Variants in IPO8 observed in about 807,000 individuals in gnomAD.
IPO8 encodes importin-8.
Under a neutral mutation model 141.2 loss-of-function variants are expected in IPO8, and 65 were observed. The ratio of observed to expected loss-of-function variants is 0.46; its 90% CI spans 0.38 to 0.57. The LOEUF is 0.57. Ranked by LOEUF, IPO8 falls within the 20% of genes least tolerant of loss-of-function variation. IPO8 has a pLI of 0.00. For missense variants in IPO8, 980 were observed against 1,246.8 expected, an observed-to-expected ratio of 0.79 and a Z score of 3.22; for synonymous variants, 411 against 420.3, an observed-to-expected ratio of 0.98 and a Z score of 0.27.
intron 8 of IPO8, among the ~76,000 whole-genome samples, chr12:30,671,490 G>A (rs1353865146): frequency 2.0e-5 from 3 of 152,018 alleles, no homozygotes; most frequent in South Asian, 2.1e-4. Context: ...TGGCTAACAC[G>A]GTGAAACCCC....
intron 1 of IPO8, among the ~76,000 whole-genome samples, chr12:30,691,861 T>C (rs1415430064): frequency 6.6e-6 from 1 of 152,224 alleles, no homozygotes; most frequent in Non-Finnish European, 1.5e-5. Flanking sequence ...GCTTTCCCAA[T>C]CTTTCTATAT....
intron 16 of IPO8, among the ~76,000 whole-genome samples, chr12:30,658,845 A>AAAT (rs199555041): frequency 0.018 from 2,700 of 151,710 alleles, 47 homozygotes; most frequent in South Asian, 0.029. Flanking sequence ...CCCTTTAGGC[A>AAAT]AATGAAGACT....
rs2052901605 is a variant in IPO8, at chr12:30,662,457, G to A, written c.1625C>T (p.Pro542Leu). ...AKEYMKPHVR[P>L]IMQELLHIVR... is the part of the protein sequence containing the mutation. ...AATGTGCAACAGTTCCTGCATAATA[G>A]GCCTCACATGTGGCTTCATATATTC... The change falls in exon 15 of 25, where the codon CCT (proline) becomes CTT (leucine). Residue 542 changes from proline to leucine, a missense_variant. This residue lies in a region of IPO8 where 924 missense variants were observed against 1,153.9 expected (regional missense o/e 0.80). Coordinates refer to ENST00000256079, the MANE Select transcript of IPO8 (RefSeq NM_006390.4). The A allele has an allele frequency of 6.2e-7, 1 of 1,612,286 alleles. No homozygotes were observed. The highest frequency in any genetic ancestry group is 8.5e-7 in the Non-Finnish European group (1 of 1,178,948).
chr12:30,661,587 G>A (rs10771754), intron 15 of IPO8, among the ~76,000 whole-genome samples: 96,035 of 148,196 alleles, frequency 0.65, 32,460 homozygotes, highest in African/African-American at 0.84. Flanking sequence ...TTGAGAAGTC[G>A]AGGAATCACT....
intron 2 of IPO8, among the ~76,000 whole-genome samples, chr12:30,685,143 C>CTTTTT (rs763211235): frequency 7.0e-6 from 1 of 142,072 alleles, no homozygotes. Context: ...CTTTTCTTTT[C>CTTTTT]TTTTTTTTTT....
chr12:30,671,543 G>A (rs1252884565), intron 8 of IPO8, among the ~76,000 whole-genome samples: 1 of 151,686 alleles, frequency 6.6e-6, no homozygotes, highest in Non-Finnish European at 1.5e-5. Context: ...GCGTGGTGGC[G>A]GGTGCCTGTA....
intron 2 of IPO8, among the ~76,000 whole-genome samples, chr12:30,687,304 T>C (rs1390844042): frequency 6.6e-6 from 1 of 152,230 alleles, no homozygotes; most frequent in Non-Finnish European, 1.5e-5. Flanking sequence ...GATTCTATGA[T>C]AAAAATGGCT....
chr12:30,680,611 A>G lies in IPO8; in HGVS notation c.510T>C (p.Pro170=). Reference sequence around the variant, plus strand: ...GGAATATCTGCATTGCTATTATAAGAGGTTCTCTCTCTTCTGCTTTCTTAT... The same window carrying G: ...GGAATATCTGCATTGCTATTATAAGGGGTTCTCTCTCTTCTGCTTTCTTAT... ...YEYKKAEERE[P]LIIAMQIFLP... is the part of the protein sequence containing the mutation. Residue 170 remains proline, a synonymous_variant, in exon 5 of 25, where the codon CCT becomes CCC. Transcript: ENST00000256079. 1 of 1,611,694 alleles carries G rather than the reference A, an allele frequency of 6.2e-7. No homozygotes were observed. Among genetic ancestry groups the G allele is most frequent in the Non-Finnish European group, 8.5e-7 (1 of 1,179,114 alleles).
At chr12:30,654,775 G>A (rs1358865080) in intron 17 of IPO8, among the ~76,000 whole-genome samples, 1 of 152,072 alleles carries the variant, frequency 6.6e-6, no homozygotes, top group Non-Finnish European at 1.5e-5. Flanking sequence ...AACAGCCACT[G>A]TGGAAAGCAG....
chr12:30,656,717 T>C lies in IPO8; in HGVS notation c.1915A>G (p.Ile639Val). The C allele has an allele frequency of 1.9e-6, 3 of 1,553,974 alleles. No individual in the cohort carries two copies. The highest frequency in any genetic ancestry group is 2.6e-6 in the Non-Finnish European group (3 of 1,141,288). The change falls in exon 17 of 25, where the codon ATC becomes GTC. Residue 639 changes from isoleucine (I) to valine (V), a missense_variant. Transcript: ENST00000256079. ...TGTTTCTGCAGAACAAGATCAATGA[T>C]CCGTAGACAGATATTCTCTAACTGC... ...TQQLENICLR[I>V]IDLVLQKHVI...
intron 8 of IPO8, among the ~76,000 whole-genome samples, chr12:30,672,420 T>C (rs1283568014): frequency 6.6e-6 from 1 of 151,408 alleles, no homozygotes; most frequent in Non-Finnish European, 1.5e-5. Context: ...AAAGTAGGGG[T>C]GATGGGAGAT....
chr12:30,653,308 C>A lies in IPO8; in HGVS notation c.1949-216G>T, dbSNP rs377596122. On this transcript the variant is annotated intron_variant, in intron 17 of 24. Transcript: ENST00000256079. ...TGCCCCTCTGTTCAATAAGGCAAGG[C>A]AAAAATTTGTTTTCACTAAACTTTC... Among the ~76,000 whole-genome samples, 23 of 151,882 alleles carry A rather than the reference C, an allele frequency of 1.5e-4. No individual in the cohort carries two copies. The East Asian group carries it at 4.4e-3, about 29-fold the overall frequency.
rs1356429950 is a variant in IPO8, at chr12:30,629,648, T to C, written c.*1212A>G. The C allele has an allele frequency of 1.3e-5, 2 of 152,208 alleles. No individual in the cohort carries two copies. The highest frequency in any genetic ancestry group is 3.8e-4 in the East Asian group (2 of 5,202). The allele number at this position is 152,208 out of a possible 1,614,324, so 9.4% of individuals were successfully genotyped here. A position where few individuals can be genotyped will look rare whatever the true frequency, so the allele number is the denominator to read the frequency against. On this transcript the variant is annotated 3_prime_UTR_variant, in exon 25 of 25. Coordinates refer to ENST00000256079, the MANE Select transcript of IPO8 (RefSeq NM_006390.4). ...TGCTGAATAAAAACCCTATGACCCA[T>C]GTTCTGGTCTTGAACTAGGTCAGAA...
chr12:30,658,815 A>C (rs957727025), intron 16 of IPO8, among the ~76,000 whole-genome samples: 1 of 152,072 alleles, frequency 6.6e-6, no homozygotes, highest in Non-Finnish European at 1.5e-5. Context: ...AAAATAATGA[A>C]AATGAAAATA....
At chr12:30,691,024 T>G (rs921532199) in intron 1 of IPO8, among the ~76,000 whole-genome samples, 2 of 152,242 alleles carry the variant, frequency 1.3e-5, no homozygotes, top group Non-Finnish European at 2.9e-5. Flanking sequence ...TTTATCCTTT[T>G]GTAAATGGAG....
intron 17 of IPO8, 95 bp downstream of exon 17, chr12:30,656,589 T>A (rs2052803813): frequency 6.4e-6 from 4 of 624,162 alleles, no homozygotes; most frequent in Non-Finnish European, 1.1e-5. Context: ...CTCAAAATTG[T>A]CCATCTTGTT....
At position 30,665,911 on chromosome 12, in the gene IPO8, T is replaced by C. The variant is rs529222718; in HGVS notation, c.1222-66A>G. 2.9e-6 allele frequency: 3 copies of C among 1,026,592 alleles called. No individual in the cohort carries two copies. The Admixed American group carries it at 6.8e-5, about 23-fold the overall frequency. The allele number at this position is 1,026,592 out of a possible 1,614,324, so 63.6% of individuals were successfully genotyped here. A position where few individuals can be genotyped will look rare whatever the true frequency, so the allele number is the denominator to read the frequency against. On this transcript the variant is annotated intron_variant, in intron 11 of 24. Transcript: ENST00000256079. Reference sequence around the variant, plus strand: ...CATTGTCTTACTATAGTATTAACTATGATGCACAAATTTTTAAAAATAAAG... The same window carrying C: ...CATTGTCTTACTATAGTATTAACTACGATGCACAAATTTTTAAAAATAAAG...
At chr12:30,641,297 G>A (rs978781074) in intron 20 of IPO8, among the ~76,000 whole-genome samples, 2 of 152,100 alleles carry the variant, frequency 1.3e-5, no homozygotes, top group African/African-American at 4.8e-5. Context: ...GGCAAGGAGA[G>A]AATATCTATT....
At chr12:30,636,311 G>A (rs2052499556) in intron 22 of IPO8, among the ~76,000 whole-genome samples, 2 of 151,960 alleles carry the variant, frequency 1.3e-5, no homozygotes, top group African/African-American at 4.8e-5. Flanking sequence ...TTTTTAACCA[G>A]GAGAGGAAAA....
Sources: allele counts gnomAD v4.1 joint callset (sites outside exome capture counted in the v4.1 genomes callset), GRCh38; gene constraint gnomAD v4.1.1; regional missense constraint gnomAD v4.1.1; transcripts MANE v1.5; gene names NCBI Gene and HGNC (gene_info 2026-07-23, HGNC 2026-07-21).